VRK2: variants seen among roughly 807,000 people sequenced by gnomAD.
The protein encoded by VRK2 is serine/threonine-protein kinase VRK2.
Under a neutral mutation model 57.6 loss-of-function variants are expected in VRK2, and 60 were observed. The observed-to-expected ratio is 1.04, with a 90% CI of 0.85 to 1.29. The LOEUF (loss-of-function observed/expected upper bound fraction) is 1.29, where lower values mean the gene tolerates loss of function less well. Among genes scored for constraint, VRK2 ranks in the 50% most tolerant of loss-of-function variants. The pLI is 0.00. For missense variants in VRK2, 705 were observed against 588.1 expected, an observed-to-expected ratio of 1.20 and a Z score of -2.06; for synonymous variants, 231 against 199.2, an observed-to-expected ratio of 1.16 and a Z score of -1.35.
At chr2:57,995,214 CA>C (rs1672888218) in intron 1 of VRK2, among the ~76,000 whole-genome samples, 3 of 152,120 alleles carry the variant, frequency 2.0e-5, no homozygotes, top group Admixed American at 2.0e-4. Flanking sequence ...ATGGCTCTTT[CA>C]CCCATCTATG....
intron 1 of VRK2, among the ~76,000 whole-genome samples, chr2:57,922,578 C>T (rs1670387986): frequency 1.3e-5 from 2 of 151,516 alleles, no homozygotes; most frequent in Non-Finnish European, 2.9e-5. Context: ...ATATTCTTTT[C>T]ACAATTAGTA....
chr2:57,949,819 A>G (rs1455727163), intron 1 of VRK2, among the ~76,000 whole-genome samples: 3 of 152,214 alleles, frequency 2.0e-5, no homozygotes, highest in Non-Finnish European at 4.4e-5. Context: ...TGCAAAGGAA[A>G]AGTTCTTGAA....
At chr2:58,137,240 A>C (rs1558687504) in intron 10 of VRK2, among the ~76,000 whole-genome samples, 2 of 130,736 alleles carry the variant, frequency 1.5e-5, no homozygotes, top group Admixed American at 7.5e-5. Context: ...ATACATATAT[A>C]TCATATATAT....
intron 1 of VRK2, among the ~76,000 whole-genome samples, chr2:57,958,468 T>TACACAC (rs749343062): frequency 1.3e-5 from 2 of 151,548 alleles, no homozygotes; most frequent in African/African-American, 4.8e-5. Context: ...TACATGTATA[T>TACACAC]ATACACACAC....
chr2:57,979,161 A>T (rs1169553714), intron 1 of VRK2, among the ~76,000 whole-genome samples: 1 of 151,114 alleles, frequency 6.6e-6, no homozygotes, highest in Non-Finnish European at 1.5e-5. Context: ...AATGATTTAT[A>T]TTCCTTTGGG....
At chr2:58,077,698 C>T (rs1020945944) in intron 2 of VRK2, among the ~76,000 whole-genome samples, 2 of 152,042 alleles carry the variant, frequency 1.3e-5, no homozygotes, top group African/African-American at 4.8e-5. Context: ...TCTGGCAGTT[C>T]TCTTGAACTT....
At chr2:57,980,933 T>G (rs1558524236) in intron 1 of VRK2, among the ~76,000 whole-genome samples, 1 of 152,158 alleles carries the variant, frequency 6.6e-6, no homozygotes, top group African/African-American at 2.4e-5. Flanking sequence ...TCATTGCATA[T>G]GAGACATGAC....
intron 7 of VRK2, among the ~76,000 whole-genome samples, chr2:58,090,188 G>A (rs550138011): frequency 5.9e-5 from 9 of 152,238 alleles, no homozygotes; most frequent in Admixed American, 1.3e-4. Flanking sequence ...CTGAGGACAG[G>A]AGTTTGAGAC....
intron 2 of VRK2, among the ~76,000 whole-genome samples, chr2:58,060,648 A>G (rs1677189645): frequency 6.6e-6 from 1 of 151,892 alleles, no homozygotes. Context: ...CATGCAAAAT[A>G]AAGACCATAA....
intron 1 of VRK2, among the ~76,000 whole-genome samples, chr2:58,024,048 A>G (rs116503702): frequency 3.1e-4 from 45 of 147,522 alleles, no homozygotes; most frequent in African/African-American, 1.1e-3. Context: ...ACGCTGTCTC[A>G]GCTCATGGCT....
intron 1 of VRK2, among the ~76,000 whole-genome samples, chr2:58,022,211 C>G (rs898489731): frequency 3.3e-5 from 5 of 152,120 alleles, no homozygotes; most frequent in African/African-American, 1.2e-4. Context: ...GTCACTGCAC[C>G]CAGACAATGA....
rs561488013 is a variant in VRK2, at chr2:58,150,485, C to A, written c.1182+4011C>A. On this transcript the variant is annotated intron_variant, in intron 12 of 12. Coordinates refer to ENST00000340157, the MANE Select transcript of VRK2 (RefSeq NM_006296.7). ...GATAATGGTAACTTTTGGTTTCTTT[C>A]TTTTTTTAGTAGTCTAGCTAAGGGC... Among the ~76,000 whole-genome samples the A allele has an allele frequency of 2.8e-5, 4 of 140,754 alleles. No homozygotes were observed. In the South Asian group the frequency reaches 9.2e-4, roughly 32 times the overall value. The allele number at this position is 140,754 out of a possible 152,430, so 92.3% of individuals were successfully genotyped here.
intron 9 of VRK2, among the ~76,000 whole-genome samples, chr2:58,134,795 G>T (rs1679767882): frequency 6.6e-6 from 1 of 152,010 alleles, no homozygotes; most frequent in South Asian, 2.1e-4. Context: ...TTCTCAAGTC[G>T]TGTCATATAA....
chr2:58,116,789 G>A lies in VRK2; in HGVS notation c.544-6312G>A, dbSNP rs568179693. 7.2e-5 allele frequency among the ~76,000 whole-genome samples: 11 copies of A among 152,310 alleles called. No homozygotes were observed. The East Asian group carries it at 2.1e-3, about 29-fold the overall frequency. ...AGTTGAACAGTCCGATTTCCCATGG[G>A]GTCCCGCACAGATGGGACACGGCTT... On this transcript the variant is annotated intron_variant, in intron 7 of 12. Transcript: ENST00000340157.
chr2:57,989,120 TTC>T (rs1672686756), intron 1 of VRK2, among the ~76,000 whole-genome samples: 1 of 152,150 alleles, frequency 6.6e-6, no homozygotes, highest in Non-Finnish European at 1.5e-5. Flanking sequence ...CCTTATCACC[TTC>T]ACACATAGCC....
intron 2 of VRK2, among the ~76,000 whole-genome samples, chr2:58,049,817 A>G (rs1675437797): frequency 6.6e-6 from 1 of 152,204 alleles, no homozygotes; most frequent in Admixed American, 6.5e-5. Flanking sequence ...ACATATTTCC[A>G]GAAAAACATG....
At position 58,159,858 on chromosome 2, in the gene VRK2, C is replaced by G. The variant is rs1573491623; in HGVS notation, c.*165C>G. Reference sequence around the variant, plus strand: ...GTGGACACTCTAAAAAATAAAATTGCTTTGTACTAGAAATAGTGTCATAGA... The same window carrying G: ...GTGGACACTCTAAAAAATAAAATTGGTTTGTACTAGAAATAGTGTCATAGA... On this transcript the variant is annotated 3_prime_UTR_variant, in exon 13 of 13. Transcript: ENST00000340157. 1.1e-5 allele frequency: 18 copies of G among 1,604,442 alleles called. No individual in the cohort carries two copies. The South Asian group carries it at 1.7e-4, about 15-fold the overall frequency.
intron 7 of VRK2, among the ~76,000 whole-genome samples, chr2:58,108,429 T>C (rs1423206012): frequency 6.6e-6 from 1 of 152,188 alleles, no homozygotes; most frequent in Non-Finnish European, 1.5e-5. Context: ...TTCCGTGACA[T>C]CTATTTGCTT....
chr2:58,040,929 G>C, intron 3 of VRK2: 1 of 681,088 alleles, frequency 1.5e-6, no homozygotes, highest in Non-Finnish European at 1.8e-6. Context: ...ATGACACACA[G>C]GAAAACTATT....
Sources: gnomAD v4.1 joint callset for allele counts (sites outside exome capture counted in the v4.1 genomes callset) on GRCh38, gnomAD v4.1.1 for gene constraint, MANE v1.5 for transcripts, NCBI Gene and HGNC (gene_info 2026-07-23, HGNC 2026-07-21) for gene names.